KCNK12: variants seen among roughly 807,000 people sequenced by gnomAD.
KCNK12 encodes the protein potassium channel subfamily K member 12.
In KCNK12, 6 loss-of-function variants were observed where a neutral mutation model predicts 25.3. The ratio of observed to expected loss-of-function variants is 0.24; its 90% CI spans 0.13 to 0.47. The LOEUF (loss-of-function observed/expected upper bound fraction) is 0.47, where lower values mean the gene tolerates loss of function less well. KCNK12 is among the 20% of genes least tolerant of loss of function. The pLI, the probability that KCNK12 is intolerant of heterozygous loss-of-function variation, is 0.99. For missense variants in KCNK12, 444 were observed against 661.7 expected (o/e 0.67, Z 3.61); for synonymous variants, 331 against 311.1 (o/e 1.06, Z -0.67).
intron 1 of KCNK12, among the ~76,000 whole-genome samples, chr2:47,539,052 C>A (rs1669137648): frequency 2.6e-5 from 4 of 152,214 alleles, no homozygotes; most frequent in Admixed American, 2.6e-4. Flanking sequence ...CCATCAACAT[C>A]TTTAATAGCT....
rs200882319 is a variant in KCNK12, at chr2:47,550,802, A to G, written c.391+19139T>C. On this transcript the variant is annotated intron_variant, in intron 1 of 1. Transcript: ENST00000327876. ...TCAGTAAATATGCATTTCTTTTCTGAAAGATATAATCACTTCTCACTGCCT... is the reference window on the plus strand; with the variant it reads ...TCAGTAAATATGCATTTCTTTTCTGGAAGATATAATCACTTCTCACTGCCT... Among the ~76,000 whole-genome samples the G allele has an allele frequency of 2.6e-5, 4 of 152,190 alleles. No homozygotes were observed. In the East Asian group the frequency reaches 7.7e-4, roughly 29 times the overall value.
Position 47,512,488 on chromosome 2 carries a change from C to T in KCNK12, c.*8419G>A. 6.6e-7 allele frequency: 1 copy of T among 1,518,910 alleles called. No individual in the cohort carries two copies. Among genetic ancestry groups the T allele is most frequent in the Non-Finnish European group, 8.9e-7 (1 of 1,127,128 alleles). The allele number at this position is 1,518,910 out of a possible 1,614,324, so 94.1% of individuals were successfully genotyped here. On this transcript the variant is annotated 3_prime_UTR_variant, in exon 2 of 2. Transcript: ENST00000327876. ...TTTTCATTTGTAATTCTACAAACAT[C>T]CCTTCTGTAAACATTTCCCTCAAAA...
rs1338400252 is a variant in KCNK12 at position 47,565,872 on chromosome 2, A to G, written c.391+4069T>C. Reference sequence around the variant, plus strand: ...CATACAATCACAGGAAGTGCAGACAACATGCCAAAGGCCACACATGCATCT... The same window carrying G: ...CATACAATCACAGGAAGTGCAGACAGCATGCCAAAGGCCACACATGCATCT... On this transcript the variant is annotated intron_variant, in intron 1 of 1. Transcript: ENST00000327876. This position sits in a 1 kb window ranked among gnomAD's most constrained non-coding sequence, Gnocchi z 5.0. 6.6e-6 allele frequency: 1 copy of G among 152,284 alleles called. No individual in the cohort carries two copies. The highest frequency in any genetic ancestry group is 1.5e-5 in the Non-Finnish European group (1 of 68,050). The allele number at this position is 152,284 out of a possible 1,614,324, so 9.4% of individuals were successfully genotyped here.
In KCNK12 at chr2:47,521,152, C is replaced by T; in HGVS notation, c.1048G>A (p.Ala350Thr). 1 of 1,298,060 alleles carries T rather than the reference C, an allele frequency of 7.7e-7. No individual in the cohort carries two copies. The highest frequency in any genetic ancestry group is 9.7e-7 in the Non-Finnish European group (1 of 1,027,880). The allele number at this position is 1,298,060 out of a possible 1,614,324, so 80.4% of individuals were successfully genotyped here. A position where few individuals can be genotyped will look rare whatever the true frequency, so the allele number is the denominator to read the frequency against. The change falls in exon 2 of 2, where the codon GCC (alanine) becomes ACC (threonine). Residue 350 changes from alanine (A) to threonine (T), a missense_variant. By Grantham distance (58) the Ala-to-Thr change is moderately conservative. Around this residue, in one of 8 missense-constraint regions of KCNK12, gnomAD observed 69 missense variants for 81.7 expected, o/e 0.84. Transcript: ENST00000327876. ...TCGCTGTCGCGGGCCGCGGGGTCGG[C>T]ACCGAGCGCGGCCAGGCGGCGGCGC... is the stretch of plus-strand genomic sequence containing the variant. ...RLRRRLAALG[A>T]DPAARDSDAE...
Position 47,533,510 on chromosome 2 carries a change from CAT to C in KCNK12, c.392-11704_392-11703del, listed in dbSNP as rs1301840903. Among the ~76,000 whole-genome samples, 3 of 152,214 alleles carry C rather than the reference CAT, an allele frequency of 2.0e-5. No homozygotes were observed. Among genetic ancestry groups the C allele is most frequent in the African/African-American group, 4.8e-5 (2 of 41,442 alleles). ...AAGGAATGGGCAAATCACGACATGA[CAT>C]ATGGATTTCCATGGCAGGGAAATGC... is the stretch of plus-strand genomic sequence containing the variant. On this transcript the variant is annotated intron_variant, in intron 1 of 1. Coordinates refer to ENST00000327876, the MANE Select transcript of KCNK12 (RefSeq NM_022055.2). The surrounding 1 kb of genome is among the most constrained non-coding windows in gnomAD (Gnocchi z 4.7).
In KCNK12 at chr2:47,569,661, A is replaced by G. The variant is rs1669848163; in HGVS notation, c.391+280T>C. The stretch of plus-strand genomic sequence containing the variant: ...TTGGCACGTATTCTTAGAGGAGAAA[A>G]CGGAGGCTCACAAAGGTCAGATCAC... On this transcript the variant is annotated intron_variant, in intron 1 of 1. Transcript: ENST00000327876. This position sits in a 1 kb window ranked among gnomAD's most constrained non-coding sequence, Gnocchi z 4.1. Among the ~76,000 whole-genome samples the G allele has an allele frequency of 6.6e-6, 1 of 152,104 alleles. No individual in the cohort carries two copies. The highest frequency in any genetic ancestry group is 2.4e-5 in the African/African-American group (1 of 41,434).
rs1317966450 is a variant in KCNK12 at position 47,522,722 on chromosome 2, C to G, written c.392-914G>C. On this transcript the variant is annotated intron_variant, in intron 1 of 1. Coordinates refer to ENST00000327876, the MANE Select transcript of KCNK12 (RefSeq NM_022055.2). ...ACATTTCATGCCTCTGGAATTGGGC[C>G]TAAGGCCAAGTGGGTAGTCCGTCAC... is the stretch of plus-strand genomic sequence containing the variant. 2.6e-5 allele frequency among the ~76,000 whole-genome samples: 4 copies of G among 152,324 alleles called. No homozygotes were observed. The East Asian group carries it at 7.7e-4, about 29-fold the overall frequency.
In KCNK12 at chr2:47,566,314, A is replaced by G. The variant is rs1669785736; in HGVS notation, c.391+3627T>C. On this transcript the variant is annotated intron_variant, in intron 1 of 1. Transcript: ENST00000327876. The surrounding 1 kb of genome is among the most constrained non-coding windows in gnomAD (Gnocchi z 4.1). ...CATGTAACCTTGAGTACACACAGCC[A>G]TACCTGAACCTTTCATTACGTCTTC... is the stretch of plus-strand genomic sequence containing the variant. The G allele has an allele frequency of 6.6e-6, 1 of 152,146 alleles. No individual in the cohort carries two copies. The allele number at this position is 152,146 out of a possible 1,614,324, so 9.4% of individuals were successfully genotyped here. A position where few individuals can be genotyped will look rare whatever the true frequency, so the allele number is the denominator to read the frequency against.
chr2:47,541,679 G>T (rs990531601), intron 1 of KCNK12, among the ~76,000 whole-genome samples: 1 of 152,110 alleles, frequency 6.6e-6, no homozygotes, highest in African/African-American at 2.4e-5. Flanking sequence ...AATCCAATAT[G>T]GCTGGTGTCC....
At chr2:47,532,433 T>A (rs899967256) in intron 1 of KCNK12, among the ~76,000 whole-genome samples, 5 of 151,768 alleles carry the variant, frequency 3.3e-5, no homozygotes, top group Non-Finnish European at 7.4e-5. Flanking sequence ...ATGATCTTAG[T>A]TCACTGCAAC....
chr2:47,558,706 G>A (rs563621508), intron 1 of KCNK12, among the ~76,000 whole-genome samples: 6 of 152,294 alleles, frequency 3.9e-5, no homozygotes, highest in African/African-American at 1.4e-4. Flanking sequence ...GAGGAGTCAC[G>A]CGGAGTGCGA....
At chr2:47,535,382 A>T (rs915532365) in intron 1 of KCNK12, among the ~76,000 whole-genome samples, 1 of 152,150 alleles carries the variant, frequency 6.6e-6, no homozygotes, top group Admixed American at 6.5e-5. Context: ...GTCAAAGCAC[A>T]AGGGTCTCTG....
chr2:47,537,841 G>T (rs927519781), intron 1 of KCNK12, among the ~76,000 whole-genome samples: 3 of 152,208 alleles, frequency 2.0e-5, no homozygotes, highest in Admixed American at 6.5e-5. Context: ...GATGTCAGGG[G>T]ATTCCGGGAA....
intron 1 of KCNK12, among the ~76,000 whole-genome samples, chr2:47,552,684 C>T (rs1446760224): frequency 6.6e-6 from 1 of 152,178 alleles, no homozygotes; most frequent in African/African-American, 2.4e-5. Flanking sequence ...ACAAGAACCA[C>T]TTGAACCCAG....
Position 47,514,450 on chromosome 2 carries a change from G to A in KCNK12, c.*6457C>T, listed in dbSNP as rs1370947902. Among the ~76,000 whole-genome samples the A allele has an allele frequency of 1.3e-5, 2 of 152,210 alleles. No homozygotes were observed. Among genetic ancestry groups the A allele is most frequent in the African/African-American group, 4.8e-5 (2 of 41,440 alleles). Reference sequence around the variant, plus strand: ...ACAGGGGATGCCTGACCCCAAACTAGACGAGTTACTTGACCTCTCTGACCC... The same window carrying A: ...ACAGGGGATGCCTGACCCCAAACTAAACGAGTTACTTGACCTCTCTGACCC... On this transcript the variant is annotated 3_prime_UTR_variant, in exon 2 of 2. Transcript: ENST00000327876. The surrounding 1 kb of genome is among the most constrained non-coding windows in gnomAD (Gnocchi z 5.0).
At chr2:47,549,795 G>C (rs1296600795) in intron 1 of KCNK12, among the ~76,000 whole-genome samples, 1 of 151,996 alleles carries the variant, frequency 6.6e-6, no homozygotes, top group Non-Finnish European at 1.5e-5. Context: ...TTAGCCAGGC[G>C]CAGTGGCGGG....
At position 47,570,486 on chromosome 2, in the gene KCNK12, A is replaced by C; in HGVS notation, c.-155T>G. 1 of 766,608 alleles carries C rather than the reference A, an allele frequency of 1.3e-6. No homozygotes were observed. Among genetic ancestry groups the C allele is most frequent in the Non-Finnish European group, 1.7e-6 (1 of 578,756 alleles). The allele number at this position is 766,608 out of a possible 1,614,324, so 47.5% of individuals were successfully genotyped here. ...GCAGAGCCCCTCGTCGCCTTCCCAG[A>C]GCCCGGACAGAGGGGCGCCTCCGCC... is the stretch of plus-strand genomic sequence containing the variant. On this transcript the variant is annotated 5_prime_UTR_variant, in exon 1 of 2. Coordinates refer to ENST00000327876, the MANE Select transcript of KCNK12 (RefSeq NM_022055.2).
rs901253372 is a variant in KCNK12 at position 47,525,725 on chromosome 2, G to C, written c.392-3917C>G. 3.3e-5 allele frequency among the ~76,000 whole-genome samples: 5 copies of C among 152,182 alleles called. No individual in the cohort carries two copies. Among genetic ancestry groups the C allele is most frequent in the Non-Finnish European group, 5.9e-5 (4 of 68,016 alleles). On this transcript the variant is annotated intron_variant, in intron 1 of 1. Coordinates refer to ENST00000327876, the MANE Select transcript of KCNK12 (RefSeq NM_022055.2). The surrounding 1 kb of genome is among the most constrained non-coding windows in gnomAD (Gnocchi z 4.1). ...TAGGAAGAAGAGGCTGAGGGGCAGA[G>C]GGCTGGGGACAGCATGAGAGGGAGT...
intron 1 of KCNK12, among the ~76,000 whole-genome samples, chr2:47,532,046 CA>C (rs907601148): frequency 1.1e-4 from 16 of 151,430 alleles, no homozygotes; most frequent in African/African-American, 2.7e-4. Flanking sequence ...GACTCCGTCT[CA>C]AAAAAAACCC....
Sources: gnomAD v4.1 joint callset for allele counts (sites outside exome capture counted in the v4.1 genomes callset) on GRCh38, gnomAD v4.1.1 for gene constraint, gnomAD v4.1.1 regional missense constraint, Gnocchi (gnomAD v3.1) non-coding constraint, MANE v1.5 for transcripts, NCBI Gene and HGNC (gene_info 2026-07-23, HGNC 2026-07-21) for gene names.